SLC15A4: variants seen among roughly 807,000 people sequenced by gnomAD.
SLC15A4 encodes solute carrier family 15 member 4, also known as hPHT1.
In SLC15A4, 26 loss-of-function variants were observed where a neutral mutation model predicts 46.1. That is an observed-to-expected ratio of 0.56 (90% CI 0.41 to 0.78). The LOEUF (loss-of-function observed/expected upper bound fraction) is 0.78, where lower values mean the gene tolerates loss of function less well. Among genes scored for constraint, SLC15A4 ranks in the 30% least tolerant of loss-of-function variants. The pLI, the probability that SLC15A4 is intolerant of heterozygous loss-of-function variation, is 0.00. For missense variants in SLC15A4, 751 were observed against 755.7 expected (o/e 0.99, Z 0.07); for synonymous variants, 370 against 333.4 (o/e 1.11, Z -1.20).
intron 1 of SLC15A4, among the ~76,000 whole-genome samples, chr12:128,817,058 C>T (rs761063420): frequency 7.2e-5 from 11 of 152,120 alleles, no homozygotes; most frequent in Non-Finnish European, 1.6e-4. Context: ...ACTATGGTGG[C>T]AGGTAATTAA....
Position 128,815,042 on chromosome 12 carries a change from C to A in SLC15A4, c.575G>T (p.Arg192Met). 6.2e-7 allele frequency: 1 copy of A among 1,610,746 alleles called. No individual in the cohort carries two copies. The highest frequency in any genetic ancestry group is 1.1e-5 in the South Asian group (1 of 91,062). ...CCAATAAAACCAATTAAAAAATCTC[C>A]TAGTGGCTTCCGGACCTCGATCTTT... ...QVKDRGPEAT[R>M]RFFNWFYWSI... The change falls in exon 2 of 8, where the codon AGG becomes ATG. Residue 192 changes from arginine to methionine, a missense_variant. Transcript: ENST00000266771.
rs1336826598 is a variant in SLC15A4 at position 128,814,980 on chromosome 12, T to C, written c.637A>G (p.Ile213Val). 1.9e-6 allele frequency: 3 copies of C among 1,614,132 alleles called. No individual in the cohort carries two copies. Among genetic ancestry groups the C allele is most frequent in the South Asian group, 1.1e-5 (1 of 91,076 alleles). Reference sequence around the variant, plus strand: ...CTGACGTTCTGCTGAATATAGGCAATGCCACCTAACGACAGGATCGCTCCC... The same window carrying C: ...CTGACGTTCTGCTGAATATAGGCAACGCCACCTAACGACAGGATCGCTCCC... ...NLGAILSLGGIAYIQQNVSFV... is the reference protein window; with the variant it reads ...NLGAILSLGGVAYIQQNVSFV... The change falls in exon 2 of 8, where the codon ATT (isoleucine) becomes GTT (valine). Residue 213 changes from isoleucine to valine, a missense_variant. By Grantham distance (29) the Ile-to-Val change is conservative (BLOSUM62 3). Coordinates refer to ENST00000266771, the MANE Select transcript of SLC15A4 (RefSeq NM_145648.4).
intron 1 of SLC15A4, among the ~76,000 whole-genome samples, chr12:128,817,936 C>A (rs1375028950): frequency 2.0e-5 from 3 of 152,078 alleles, no homozygotes; most frequent in African/African-American, 7.2e-5. Context: ...CAAGGGTAAA[C>A]AAGGTTTTCA....
chr12:128,818,368 T>C (rs1955787819), intron 1 of SLC15A4, among the ~76,000 whole-genome samples: 1 of 152,172 alleles, frequency 6.6e-6, no homozygotes, highest in South Asian at 2.1e-4. Flanking sequence ...ACCTGGGAGA[T>C]GAAGAGGTAA....
intron 1 of SLC15A4, chr12:128,819,615 C>T (rs1451618468): frequency 6.6e-6 from 1 of 152,210 alleles, no homozygotes; most frequent in Non-Finnish European, 1.5e-5. Context: ...ATGAAAGCAG[C>T]TGGGATCCAA....
intron 5 of SLC15A4, 51 bp downstream of exon 5, chr12:128,808,732 GAATCC>G: frequency 6.3e-7 from 1 of 1,579,256 alleles, no homozygotes; most frequent in Non-Finnish European, 8.6e-7. Context: ...ACTATATTCT[GAATCC>G]ACAACTGCTG....
intron 5 of SLC15A4, among the ~76,000 whole-genome samples, chr12:128,806,556 A>G (rs1210381257): frequency 6.6e-6 from 1 of 152,224 alleles, no homozygotes; most frequent in Non-Finnish European, 1.5e-5. Flanking sequence ...TAGAGCTAGG[A>G]ATGAAACCTC....
Position 128,809,805 on chromosome 12 carries a change from C to A in SLC15A4, c.1011+138G>T, listed in dbSNP as rs1480484233. On this transcript the variant is annotated intron_variant, in intron 3 of 7. Coordinates refer to ENST00000266771, the MANE Select transcript of SLC15A4 (RefSeq NM_145648.4). The stretch of plus-strand genomic sequence containing the variant: ...AGCCAAAATGACTCCATAACTAAAA[C>A]CAAAAATTCCAAGATTCTGTAGACT... The A allele has an allele frequency of 4.7e-6, 4 of 848,932 alleles. No homozygotes were observed. The East Asian group carries it at 1.1e-4, about 23-fold the overall frequency. The allele number at this position is 848,932 out of a possible 1,614,324, so 52.6% of individuals were successfully genotyped here.
intron 7 of SLC15A4, among the ~76,000 whole-genome samples, chr12:128,798,969 C>T (rs1433364408): frequency 6.6e-5 from 10 of 152,200 alleles, no homozygotes; most frequent in Non-Finnish European, 1.3e-4. Flanking sequence ...CTGTCAAGGA[C>T]GTCCCCGTAA....
intron 1 of SLC15A4, among the ~76,000 whole-genome samples, chr12:128,821,785 C>G (rs765899935): frequency 2.6e-5 from 4 of 151,474 alleles, no homozygotes; most frequent in Non-Finnish European, 5.9e-5. Flanking sequence ...ACTCAGGAGG[C>G]CGAGGCAGGA....
chr12:128,804,483 G>A (rs1356662608), intron 5 of SLC15A4, among the ~76,000 whole-genome samples: 1 of 152,236 alleles, frequency 6.6e-6, no homozygotes, highest in Non-Finnish European at 1.5e-5. Context: ...TGTAATCCCA[G>A]CACTTTGGGA....
rs1955511008 is a variant in SLC15A4, at chr12:128,800,918, C to T, written c.1350G>A (p.Ser450=). Residue 450 remains serine, a synonymous_variant, in exon 6 of 8, where the codon TCG becomes TCA. Transcript: ENST00000266771. ...AGTACTGCGGCACCTGCCACCACAG[C>T]GACAGATCGGCAGCATGGTAGACGA... ...GNVVYHAADL[S]LWWQVPQYLL... 11 of 1,613,954 alleles carry T rather than the reference C, an allele frequency of 6.8e-6. No individual in the cohort carries two copies. Among genetic ancestry groups the T allele is most frequent in the South Asian group, 3.3e-5 (3 of 91,076 alleles).
rs974436920 is a variant in SLC15A4, at chr12:128,809,856, T to C, written c.1011+87A>G. On this transcript the variant is annotated intron_variant, in intron 3 of 7. Transcript: ENST00000266771. ...CATGGGAAAAAAAATCACCTAGTCC[T>C]ACCTACTTTAGAAATGGCCAAAACA... is the stretch of plus-strand genomic sequence containing the variant. The C allele has an allele frequency of 6.6e-6, 9 of 1,373,090 alleles. No homozygotes were observed. The East Asian group carries it at 1.2e-4, about 18-fold the overall frequency. The allele number at this position is 1,373,090 out of a possible 1,614,324, so 85.1% of individuals were successfully genotyped here. A position where few individuals can be genotyped will look rare whatever the true frequency, so the allele number is the denominator to read the frequency against.
chr12:128,794,533 G>A (rs1955423448), intron 7 of SLC15A4, among the ~76,000 whole-genome samples, 177 bp from the exon 8 acceptor site: 1 of 152,218 alleles, frequency 6.6e-6, no homozygotes, highest in Non-Finnish European at 1.5e-5. Flanking sequence ...CACTGAAGAA[G>A]CTCCCTGAAG....
intron 1 of SLC15A4, among the ~76,000 whole-genome samples, chr12:128,820,646 G>A (rs1307285148): frequency 2.8e-5 from 3 of 105,546 alleles, no homozygotes; most frequent in East Asian, 2.8e-4. Context: ...GGCACCGTAC[G>A]TGTCATGTAG....
intron 1 of SLC15A4, among the ~76,000 whole-genome samples, chr12:128,818,269 C>G (rs889046954): frequency 1.1e-4 from 17 of 152,180 alleles, no homozygotes; most frequent in African/African-American, 4.1e-4. Context: ...GCTCACACAT[C>G]CTCTTTCAGA....
At chr12:128,810,603 T>C (rs1465059477) in intron 2 of SLC15A4, among the ~76,000 whole-genome samples, 1 of 152,124 alleles carries the variant, frequency 6.6e-6, no homozygotes, top group African/African-American at 2.4e-5. Context: ...AAAACCCTGC[T>C]GGTTTAAACT....
intron 7 of SLC15A4, among the ~76,000 whole-genome samples, chr12:128,795,440 C>T (rs1406644456): frequency 6.6e-6 from 1 of 152,170 alleles, no homozygotes; most frequent in Non-Finnish European, 1.5e-5. Flanking sequence ...GATCATGGGC[C>T]ATGCAGCTCA....
At chr12:128,810,901 C>T (rs1481010869) in intron 2 of SLC15A4, among the ~76,000 whole-genome samples, 2 of 152,204 alleles carry the variant, frequency 1.3e-5, no homozygotes, top group Non-Finnish European at 2.9e-5. Flanking sequence ...GACTTGGACC[C>T]AGGCAGTCTT....
Sources: gnomAD v4.1 joint callset for allele counts (sites outside exome capture counted in the v4.1 genomes callset) on GRCh38, gnomAD v4.1.1 for gene constraint, MANE v1.5 for transcripts, NCBI Gene and HGNC (gene_info 2026-07-23, HGNC 2026-07-21) for gene names.